The following ZNF503 variants were observed in gnomAD, a reference collection of about 807,000 sequenced individuals.
ZNF503 encodes zinc finger protein 503.
ZNF503 carries 15 observed loss-of-function variants against 34.4 expected under a neutral mutation model. That is an observed-to-expected ratio of 0.44 (90% CI 0.29 to 0.67). The LOEUF (loss-of-function observed/expected upper bound fraction) is 0.67, where lower values mean the gene tolerates loss of function less well. ZNF503 is among the 30% of genes least tolerant of loss of function. The pLI is 0.13. For missense variants in ZNF503, 1,007 were observed against 926.8 expected, an observed-to-expected ratio of 1.09 and a Z score of -1.12; for synonymous variants, 580 against 456.8, an observed-to-expected ratio of 1.27 and a Z score of -3.44.
At chr10:75,289,324 G>A in the ZNF503 span, among the ~76,000 whole-genome samples, 2 of 152,126 alleles carry the variant, frequency 1.3e-5, no homozygotes, top group Non-Finnish European at 2.9e-5. Context: ...CCTGCCCACA[G>A]GCCTCTGGGC....
chr10:75,328,450 T>C, the ZNF503 span, among the ~76,000 whole-genome samples: 2 of 152,160 alleles, frequency 1.3e-5, no homozygotes, highest in Non-Finnish European at 2.9e-5. Flanking sequence ...CATTGACCTA[T>C]ATGTTTGTTT....
At chr10:75,361,715 C>T in the ZNF503 span, 3,738 of 152,294 alleles carry the variant, frequency 0.025, 72 homozygotes, top group Non-Finnish European at 0.037. Context: ...TCCCTAGTTA[C>T]ATCATCAGGA....
At chr10:75,286,927 T>C in the ZNF503 span, among the ~76,000 whole-genome samples, 5 of 152,164 alleles carry the variant, frequency 3.3e-5, no homozygotes, top group Non-Finnish European at 5.9e-5. Flanking sequence ...CTATTGCAAA[T>C]CTTTTTGTGT....
chr10:75,333,492 CT>C, the ZNF503 span, among the ~76,000 whole-genome samples: 1 of 56,880 alleles, frequency 1.8e-5, no homozygotes, highest in African/African-American at 8.0e-5. Flanking sequence ...GACGGGGTGG[CT>C]GGCCGGGCTG....
chr10:75,376,616 C>A, the ZNF503 span, among the ~76,000 whole-genome samples: 1 of 151,924 alleles, frequency 6.6e-6, no homozygotes, highest in Non-Finnish European at 1.5e-5. Flanking sequence ...TGTACTCCAG[C>A]CTGGGTGACA....
the ZNF503 span, among the ~76,000 whole-genome samples, chr10:75,335,865 GT>G: frequency 1.3e-5 from 2 of 152,094 alleles, no homozygotes; most frequent in African/African-American, 2.4e-5. Context: ...TGTTTCCCAT[GT>G]GTTCTTTTGT....
chr10:75,304,607 C>T, the ZNF503 span, among the ~76,000 whole-genome samples: 2 of 152,108 alleles, frequency 1.3e-5, no homozygotes, highest in Non-Finnish European at 2.9e-5. Context: ...GTCAATTGTA[C>T]TTGTCATTTT....
the ZNF503 span, among the ~76,000 whole-genome samples, chr10:75,367,595 A>G: frequency 6.6e-6 from 1 of 152,244 alleles, no homozygotes; most frequent in East Asian, 1.9e-4. Flanking sequence ...TGTCCAAGAT[A>G]TGTAAAATAT....
At chr10:75,318,698 T>C in the ZNF503 span, among the ~76,000 whole-genome samples, 2 of 150,166 alleles carry the variant, frequency 1.3e-5, no homozygotes, top group African/African-American at 2.4e-5. Context: ...GTAAGATAAT[T>C]TGTCACTAGC....
the ZNF503 span, among the ~76,000 whole-genome samples, chr10:75,347,853 C>G: frequency 1.3e-5 from 2 of 152,280 alleles, no homozygotes; most frequent in African/African-American, 4.8e-5. Flanking sequence ...CAGTTACTCC[C>G]TTCTTCCCAA....
the ZNF503 span, among the ~76,000 whole-genome samples, chr10:75,328,165 C>T: frequency 1.3e-5 from 2 of 152,286 alleles, no homozygotes; most frequent in East Asian, 3.9e-4. Flanking sequence ...TCCATAAAAA[C>T]TTTGCCCAGA....
At chr10:75,338,720 A>G in the ZNF503 span, among the ~76,000 whole-genome samples, 1 of 152,212 alleles carries the variant, frequency 6.6e-6, no homozygotes, top group Non-Finnish European at 1.5e-5. Flanking sequence ...GGATACAGAA[A>G]GTAAAGGAAA....
At chr10:75,338,975 C>T in the ZNF503 span, among the ~76,000 whole-genome samples, 8 of 152,160 alleles carry the variant, frequency 5.3e-5, no homozygotes, top group African/African-American at 1.9e-4. Flanking sequence ...TGCCTGTAAT[C>T]CTAGCACTTT....
chr10:75,342,680 G>A, the ZNF503 span, among the ~76,000 whole-genome samples: 1 of 150,400 alleles, frequency 6.6e-6, no homozygotes, highest in Admixed American at 6.6e-5. Flanking sequence ...GGGGGAGGGG[G>A]CTTGTGGGTG....
At chr10:75,367,224 C>G in the ZNF503 span, among the ~76,000 whole-genome samples, 1 of 152,120 alleles carries the variant, frequency 6.6e-6, no homozygotes, top group African/African-American at 2.4e-5. Context: ...TACCCCCCAC[C>G]CAGAAAATCT....
At chr10:75,304,396 A>G in the ZNF503 span, among the ~76,000 whole-genome samples, 3 of 152,322 alleles carry the variant, frequency 2.0e-5, no homozygotes, top group South Asian at 6.2e-4. Flanking sequence ...TATTAGTGAA[A>G]ATATCATGAT....
Position 75,399,018 on chromosome 10 carries a change from A to T in ZNF503, c.1672T>A (p.Ser558Thr). ...GCGGCAGCGCTGGCCAGAGACGACG[A>T]GCTGGGGTAGCCCGACAGCAGTTTG... The part of the protein sequence containing the change: ...TDKLLSGYPS[S>T]SSLASAAAAA... Residue 558 changes from serine to threonine, a missense_variant, in exon 2 of 2, where the codon TCG becomes ACG. Transcript: ENST00000372524. 6.2e-7 allele frequency: 1 copy of T among 1,610,308 alleles called. No individual in the cohort carries two copies. The highest frequency in any genetic ancestry group is 8.5e-7 in the Non-Finnish European group (1 of 1,179,632).
chr10:75,344,498 T>C, the ZNF503 span, among the ~76,000 whole-genome samples: 3 of 152,200 alleles, frequency 2.0e-5, no homozygotes, highest in Non-Finnish European at 4.4e-5. Context: ...ATGCCGCTGG[T>C]CCTGCCCCTT....
chr10:75,329,381 T>TCTTCCTTCCTTCCTTC, the ZNF503 span, among the ~76,000 whole-genome samples: 9 of 129,184 alleles, frequency 7.0e-5, no homozygotes, highest in African/African-American at 3.0e-4. Flanking sequence ...CTTCTTTCTT[T>TCTTCCTTCCTTCCTTC]CTTCCTTCCT....
Sources: allele counts gnomAD v4.1 joint callset (sites outside exome capture counted in the v4.1 genomes callset), GRCh38; gene constraint gnomAD v4.1.1; transcripts MANE v1.5; gene names NCBI Gene and HGNC (gene_info 2026-07-23, HGNC 2026-07-21).